The following CEP85L variants were observed in gnomAD, a reference collection of about 807,000 sequenced individuals.
CEP85L encodes the protein centrosomal protein 85L, also known as centrosomal protein of 85 kDa-like.
Under a neutral mutation model 100.3 loss-of-function variants are expected in CEP85L, and 60 were observed. That is an observed-to-expected ratio of 0.60 (90% CI 0.49 to 0.74). The LOEUF (loss-of-function observed/expected upper bound fraction) is 0.74. Among genes scored for constraint, CEP85L ranks in the 30% least tolerant of loss-of-function variants. The pLI is 0.00. For missense variants in CEP85L, 973 were observed against 936.2 expected, an observed-to-expected ratio of 1.04 and a Z score of -0.51; for synonymous variants, 319 against 322.7, an observed-to-expected ratio of 0.99 and a Z score of 0.12.
Position 118,461,294 on chromosome 6 carries a change from A to G in CEP85L, c.*4111T>C, listed in dbSNP as rs534073111. On this transcript the variant is annotated 3_prime_UTR_variant, in exon 13 of 13. Coordinates refer to ENST00000368491, the MANE Select transcript of CEP85L (RefSeq NM_001042475.3). Reference sequence around the variant, plus strand: ...ACATACACACCAATGAATACAATCTAAAGGAGTTTCCAGCTCACTACACAG... The same window carrying G: ...ACATACACACCAATGAATACAATCTGAAGGAGTTTCCAGCTCACTACACAG... The G allele has an allele frequency of 3.9e-5, 6 of 152,256 alleles. No homozygotes were observed. In the South Asian group the frequency reaches 1.2e-3, roughly 32 times the overall value. 9.4% of individuals were successfully genotyped at this position (152,256 alleles called of 1,614,324 possible).
chr6:118,544,838 ATT>A (rs370117666), intron 3 of CEP85L, among the ~76,000 whole-genome samples: 19 of 152,052 alleles, frequency 1.2e-4, no homozygotes, highest in African/African-American at 4.6e-4. Context: ...AGTAAATCTT[ATT>A]TTCTTTTCCC....
At chr6:118,616,770 C>T (rs185552439) in intron 2 of CEP85L, among the ~76,000 whole-genome samples, 35 of 151,430 alleles carry the variant, frequency 2.3e-4, no homozygotes, top group South Asian at 6.3e-4. Context: ...CATGGTGAAA[C>T]GCTGTCTCTA....
At chr6:118,537,876 CCT>C (rs1777684440) in intron 3 of CEP85L, 2 of 985,146 alleles carry the variant, frequency 2.0e-6, no homozygotes, top group Non-Finnish European at 2.4e-6. Context: ...AGTAAATCTT[CCT>C]CTGTTTCCTG....
At chr6:118,701,939 G>T (rs945253041) in intron 1 of CEP85L, among the ~76,000 whole-genome samples, 1 of 152,100 alleles carries the variant, frequency 6.6e-6, no homozygotes, top group Admixed American at 6.5e-5. Flanking sequence ...GAAGAGAAAA[G>T]GTCCATATGA....
At chr6:118,558,101 GC>G (rs1338691416) in intron 3 of CEP85L, among the ~76,000 whole-genome samples, 1 of 152,024 alleles carries the variant, frequency 6.6e-6, no homozygotes, top group African/African-American at 2.4e-5. Flanking sequence ...ACAGGCACAT[GC>G]CACCAGCCTA....
chr6:118,649,890 G>A (rs1471488870), intron 1 of CEP85L, among the ~76,000 whole-genome samples: 2 of 151,862 alleles, frequency 1.3e-5, no homozygotes, highest in Non-Finnish European at 2.9e-5. Context: ...TCTAACTCTG[G>A]CTTTTTAAAA....
intron 3 of CEP85L, among the ~76,000 whole-genome samples, chr6:118,545,197 T>C (rs9481823): frequency 0.029 from 4,429 of 151,746 alleles, 112 homozygotes; most frequent in African/African-American, 0.057. Context: ...ACCGATTCTA[T>C]TTTGAAGCTT....
At chr6:118,671,115 A>G (rs1453081108) in intron 1 of CEP85L, among the ~76,000 whole-genome samples, 3 of 152,152 alleles carry the variant, frequency 2.0e-5, no homozygotes, top group Non-Finnish European at 4.4e-5. Flanking sequence ...AACTGGAGAA[A>G]CTATGTTATC....
chr6:118,632,317 C>G (rs574893944), intron 2 of CEP85L, 136 bp downstream of exon 2: 4 of 728,208 alleles, frequency 5.5e-6, no homozygotes, highest in Non-Finnish European at 8.4e-6. Flanking sequence ...ATTTGATATA[C>G]AGCAACACTG....
At chr6:118,652,635 T>C (rs529267832), upstream of CEP85L, 51 of 1,523,866 alleles carry the variant, frequency 3.3e-5, no homozygotes, top group Non-Finnish European at 4.3e-5. Context: ...GACATTTTAA[T>C]TGGGAAATAC....
intron 3 of CEP85L, among the ~76,000 whole-genome samples, chr6:118,562,294 T>A (rs1779268917): frequency 6.6e-6 from 1 of 152,142 alleles, no homozygotes; most frequent in Non-Finnish European, 1.5e-5. Context: ...AAGTTATAAA[T>A]AAAACTTTTT....
rs1775542014 is a variant in CEP85L, at chr6:118,651,301, G to A, written c.-32C>T. 19 of 1,459,666 alleles carry A rather than the reference G, an allele frequency of 1.3e-5. No individual in the cohort carries two copies. The highest frequency in any genetic ancestry group is 1.7e-5 in the Non-Finnish European group (19 of 1,108,752). The allele number at this position is 1,459,666 out of a possible 1,614,324, so 90.4% of individuals were successfully genotyped here. On this transcript the variant is annotated 5_prime_UTR_variant, in exon 1 of 13. Coordinates refer to ENST00000368491, the MANE Select transcript of CEP85L (RefSeq NM_001042475.3). ...CGAGAGGGCCGGGTGGGCCAGGGACGCCCGACTCCTCACGTCCGTCCTCCT... is the reference window on the plus strand; with the variant it reads ...CGAGAGGGCCGGGTGGGCCAGGGACACCCGACTCCTCACGTCCGTCCTCCT...
intron 1 of CEP85L, among the ~76,000 whole-genome samples, chr6:118,663,600 G>T (rs1483137661): frequency 6.6e-6 from 1 of 152,130 alleles, no homozygotes; most frequent in Admixed American, 6.5e-5. Context: ...GTGTCAAAAT[G>T]ATGAGATGCA....
At chr6:118,606,587 G>C (rs563532899) in intron 2 of CEP85L, among the ~76,000 whole-genome samples, 1 of 152,340 alleles carries the variant, frequency 6.6e-6, no homozygotes, top group African/African-American at 2.4e-5. Flanking sequence ...CCCTGGAAAG[G>C]GGAGACCAAA....
intron 2 of CEP85L, among the ~76,000 whole-genome samples, chr6:118,569,869 T>C (rs577560239): frequency 1.1e-4 from 16 of 152,036 alleles, no homozygotes; most frequent in African/African-American, 2.7e-4. Flanking sequence ...AGAGAATATA[T>C]ATTTTTTAAA....
intron 4 of CEP85L, among the ~76,000 whole-genome samples, chr6:118,516,412 CTGT>C (rs1239708802): frequency 6.6e-6 from 1 of 152,168 alleles, no homozygotes; most frequent in Non-Finnish European, 1.5e-5. Context: ...TCTCCAGCAT[CTGT>C]TGTTTCCTGA....
intron 3 of CEP85L, among the ~76,000 whole-genome samples, chr6:118,525,031 C>T (rs1189264786): frequency 6.6e-6 from 1 of 152,086 alleles, no homozygotes; most frequent in South Asian, 2.1e-4. Flanking sequence ...TTCTTTTTTC[C>T]TTTTCACCCA....
At chr6:118,545,138 TTTAA>T (rs1186698779) in intron 3 of CEP85L, among the ~76,000 whole-genome samples, 2 of 152,196 alleles carry the variant, frequency 1.3e-5, no homozygotes, top group African/African-American at 4.8e-5. Context: ...ATTAAAATGC[TTTAA>T]TTTAGTCATC....
chr6:118,474,930 C>A (rs1481599191), intron 10 of CEP85L, among the ~76,000 whole-genome samples: 1 of 152,206 alleles, frequency 6.6e-6, no homozygotes, highest in African/African-American at 2.4e-5. Flanking sequence ...GGGAAGAATA[C>A]TCCTGAGGTC....
Sources: allele counts gnomAD v4.1 joint callset (sites outside exome capture counted in the v4.1 genomes callset), GRCh38; gene constraint gnomAD v4.1.1; transcripts MANE v1.5; gene names NCBI Gene and HGNC (gene_info 2026-07-23, HGNC 2026-07-21).